DAB1: variants seen among roughly 807,000 people sequenced by gnomAD.
The protein encoded by DAB1 is disabled homolog 1.
A neutral mutation model predicts 64.6 loss-of-function variants in DAB1; 15 were observed. The ratio of observed to expected loss-of-function variants is 0.23; its 90% CI spans 0.16 to 0.36. DAB1 has a LOEUF of 0.36. Ranked by LOEUF, DAB1 falls within the 10% of genes least tolerant of loss-of-function variation. The pLI is 1.00. For synonymous variants in DAB1, 235 were observed against 251.9 expected (o/e 0.93, Z 0.64); for missense variants, 596 against 706.7 (o/e 0.84, Z 1.78).
At chr1:57,254,180 CTA>C (rs1367462375) in intron 2 of DAB1, among the ~76,000 whole-genome samples, 3 of 152,184 alleles carry the variant, frequency 2.0e-5, no homozygotes, top group Non-Finnish European at 4.4e-5. Flanking sequence ...TTTCCAAATT[CTA>C]TGACTACCTC....
At chr1:57,088,970 T>A (rs1653366934) in intron 4 of DAB1, among the ~76,000 whole-genome samples, 1 of 152,172 alleles carries the variant, frequency 6.6e-6, no homozygotes, top group African/African-American at 2.4e-5. Flanking sequence ...GCACAATGGT[T>A]AAGGGCACAG....
At chr1:57,415,270 C>CAA (rs1284962546) in intron 1 of DAB1, among the ~76,000 whole-genome samples, 4 of 146,974 alleles carry the variant, frequency 2.7e-5, no homozygotes, top group African/African-American at 1.0e-4. Flanking sequence ...CACACACACA[C>CAA]ACACACACAC....
intron 7 of DAB1, among the ~76,000 whole-genome samples, chr1:57,576,672 T>A (rs1645253225): frequency 6.6e-6 from 1 of 152,202 alleles, no homozygotes; most frequent in African/African-American, 2.4e-5. Flanking sequence ...TGTTTTAAGA[T>A]TCAATTTGAG....
chr1:57,890,567 T>A (rs1644296904), intron 5 of DAB1, among the ~76,000 whole-genome samples: 2 of 151,756 alleles, frequency 1.3e-5, no homozygotes, highest in Non-Finnish European at 2.9e-5. Flanking sequence ...ACAATCCTCT[T>A]CCATCAGCCT....
At chr1:57,242,913 C>T (rs747711278) in intron 2 of DAB1, among the ~76,000 whole-genome samples, 8 of 152,144 alleles carry the variant, frequency 5.3e-5, no homozygotes, top group Non-Finnish European at 5.9e-5. Context: ...TGCAATAAAC[C>T]GACTGGAAAA....
chr1:58,462,075 G>A (rs1645247793), intron 3 of DAB1, among the ~76,000 whole-genome samples: 1 of 148,914 alleles, frequency 6.7e-6, no homozygotes, highest in Non-Finnish European at 1.5e-5. Flanking sequence ...GTAATTGGCA[G>A]AGACAAGATT....
chr1:58,030,498 A>C (rs1646956542), intron 5 of DAB1, among the ~76,000 whole-genome samples: 1 of 152,232 alleles, frequency 6.6e-6, no homozygotes, highest in African/African-American at 2.4e-5. Flanking sequence ...CAGATTAAAC[A>C]AGATTTAGCC....
chr1:58,533,702 G>A (rs532024732), intron 1 of DAB1, among the ~76,000 whole-genome samples: 7 of 152,192 alleles, frequency 4.6e-5, no homozygotes, highest in African/African-American at 1.7e-4. Flanking sequence ...GAATAATTAC[G>A]TTTTAGCAAA....
At chr1:57,451,655 G>A (rs953308652) in intron 7 of DAB1, among the ~76,000 whole-genome samples, 14 of 152,254 alleles carry the variant, frequency 9.2e-5, no homozygotes, top group East Asian at 1.9e-4. Flanking sequence ...AGGGAGAAGC[G>A]AAGGACGCAG....
chr1:57,231,473 A>C (rs1275222651), intron 2 of DAB1, among the ~76,000 whole-genome samples: 1 of 152,170 alleles, frequency 6.6e-6, no homozygotes, highest in Non-Finnish European at 1.5e-5. Context: ...TACCTATCAA[A>C]CTCTGGGTGT....
At position 58,505,631 on chromosome 1, in the gene DAB1, T is replaced by A. The variant is rs143352170; in HGVS notation, n.257+429A>T. On this transcript the variant is annotated intron_variant and non_coding_transcript_variant, in intron 3 of 20. Coordinates refer to the DAB1 transcript ENST00000485760. ...GATTTTTTTTCCTAAAAAAACAAAT[T>A]CCAGTACCACTACTACAATTAATAT... 1.6e-3 allele frequency among the ~76,000 whole-genome samples: 245 copies of A among 152,202 alleles called. 2 individuals are homozygous for A. Among genetic ancestry groups the A allele is most frequent in the African/African-American group, 5.6e-3 (234 of 41,524 alleles).
intron 5 of DAB1, among the ~76,000 whole-genome samples, chr1:58,015,489 C>T (rs943979431): frequency 5.9e-5 from 9 of 152,162 alleles, no homozygotes; most frequent in Non-Finnish European, 1.2e-4. Flanking sequence ...ACGAGATAAA[C>T]ATATTGTCTA....
intron 1 of DAB1, among the ~76,000 whole-genome samples, chr1:57,319,387 TTC>T (rs1176753473): frequency 6.6e-6 from 1 of 152,144 alleles, no homozygotes; most frequent in Non-Finnish European, 1.5e-5. Flanking sequence ...GTGGCAGTTT[TTC>T]TATACACATA....
intron 7 of DAB1, among the ~76,000 whole-genome samples, chr1:57,475,012 C>T (rs768262803): frequency 6.6e-6 from 1 of 152,172 alleles, no homozygotes; most frequent in Non-Finnish European, 1.5e-5. Flanking sequence ...GTAATCTTAA[C>T]ACTTTGGGAA....
intron 5 of DAB1, among the ~76,000 whole-genome samples, chr1:57,941,628 A>T (rs1011710308): frequency 1.5e-4 from 23 of 152,176 alleles, no homozygotes; most frequent in Non-Finnish European, 3.1e-4. Flanking sequence ...CGAGGTCAGG[A>T]GATCGAGACC....
At chr1:57,841,600 G>A (rs1341126394) in intron 1 of DAB1, among the ~76,000 whole-genome samples, 2 of 152,218 alleles carry the variant, frequency 1.3e-5, no homozygotes, top group Non-Finnish European at 2.9e-5. Context: ...AGCCACCAAG[G>A]CTTGGGGCTT....
intron 6 of DAB1, among the ~76,000 whole-genome samples, chr1:57,776,881 C>T (rs1034321517): frequency 3.3e-5 from 5 of 151,824 alleles, no homozygotes; most frequent in East Asian, 1.9e-4. Context: ...TATTTACTCA[C>T]ATGTTTACCA....
chr1:58,343,670 T>C (rs1643965497), intron 3 of DAB1, among the ~76,000 whole-genome samples: 1 of 152,232 alleles, frequency 6.6e-6, no homozygotes, highest in African/African-American at 2.4e-5. Context: ...CGGCATAGGC[T>C]AACACACATC....
At chr1:57,766,337 C>T (rs1649310459) in intron 6 of DAB1, among the ~76,000 whole-genome samples, 1 of 151,764 alleles carries the variant, frequency 6.6e-6, no homozygotes, top group South Asian at 2.1e-4. Context: ...CTTCATTCCT[C>T]TGCCCAGCCT....
Sources: allele counts gnomAD v4.1 joint callset (sites outside exome capture counted in the v4.1 genomes callset), GRCh38; gene constraint gnomAD v4.1.1; transcripts MANE v1.5; gene names NCBI Gene and HGNC (gene_info 2026-07-23, HGNC 2026-07-21).